Variants in CACNA2D3 observed in about 807,000 individuals in gnomAD.
CACNA2D3 encodes the protein calcium voltage-gated channel auxiliary subunit alpha2delta 3.
CACNA2D3 carries 60 observed loss-of-function variants against 160.6 expected under a neutral mutation model. That is an observed-to-expected ratio of 0.37 (90% CI 0.30 to 0.46). The LOEUF (loss-of-function observed/expected upper bound fraction) is 0.46. CACNA2D3 is among the 20% of genes least tolerant of loss of function. CACNA2D3 has a pLI of 1.00. For missense variants in CACNA2D3, 1,205 were observed against 1,365.0 expected (o/e 0.88, Z 1.85); for synonymous variants, 558 against 492.9 (o/e 1.13, Z -1.75).
At chr3:54,720,263 C>T (rs1439322484) in intron 11 of CACNA2D3, among the ~76,000 whole-genome samples, 5 of 151,664 alleles carry the variant, frequency 3.3e-5, no homozygotes, top group African/African-American at 1.2e-4. Context: ...TTACAGATAC[C>T]AACTTCCCTG....
chr3:54,444,249 A>C (rs2106801339), intron 4 of CACNA2D3, among the ~76,000 whole-genome samples: 1 of 152,288 alleles, frequency 6.6e-6, no homozygotes, highest in Admixed American at 6.5e-5. Flanking sequence ...AATTTGAGGA[A>C]AATGTCCCAG....
chr3:54,968,061 A>G lies in CACNA2D3; in HGVS notation c.2450-389A>G, dbSNP rs908445607. On this transcript the variant is annotated intron_variant, in intron 27 of 37. Coordinates refer to ENST00000474759, the MANE Select transcript of CACNA2D3 (RefSeq NM_018398.3). ...AACACATGCAGAGTACACATTTTAGACATGCAAGTTCAAACAGTAATAGCT... is the reference window on the plus strand; with the variant it reads ...AACACATGCAGAGTACACATTTTAGGCATGCAAGTTCAAACAGTAATAGCT... 2.6e-5 allele frequency among the ~76,000 whole-genome samples: 4 copies of G among 152,298 alleles called. No homozygotes were observed. The South Asian group carries it at 8.3e-4, about 32-fold the overall frequency.
intron 11 of CACNA2D3, among the ~76,000 whole-genome samples, chr3:54,664,271 C>T (rs1700024828): frequency 6.6e-6 from 1 of 152,190 alleles, no homozygotes; most frequent in Admixed American, 6.5e-5. Flanking sequence ...ATGGGTAAGG[C>T]CAGTAGTGGC....
At chr3:54,445,733 C>A (rs973801398) in intron 4 of CACNA2D3, among the ~76,000 whole-genome samples, 1 of 152,002 alleles carries the variant, frequency 6.6e-6, no homozygotes, top group African/African-American at 2.4e-5. Flanking sequence ...ATAGACATAC[C>A]TTATTTTGGT....
At chr3:54,699,363 T>C (rs566166556) in intron 11 of CACNA2D3, among the ~76,000 whole-genome samples, 7 of 152,220 alleles carry the variant, frequency 4.6e-5, no homozygotes, top group African/African-American at 1.7e-4. Context: ...CTGAGCTCCT[T>C]CTTTAATGGG....
intron 2 of CACNA2D3, among the ~76,000 whole-genome samples, chr3:54,182,661 T>G (rs1052708721): frequency 2.6e-5 from 4 of 152,222 alleles, no homozygotes; most frequent in African/African-American, 9.7e-5. Flanking sequence ...GTTAATTTGG[T>G]TGGGTTTTAC....
chr3:54,772,800 A>G (rs1702344212), intron 13 of CACNA2D3, among the ~76,000 whole-genome samples: 1 of 152,188 alleles, frequency 6.6e-6, no homozygotes, highest in African/African-American at 2.4e-5. Flanking sequence ...AATTTGTTCC[A>G]TTTTAAAAGC....
intron 3 of CACNA2D3, among the ~76,000 whole-genome samples, chr3:54,384,213 T>C (rs1414047183): frequency 1.3e-5 from 2 of 152,220 alleles, no homozygotes; most frequent in African/African-American, 4.8e-5. Context: ...CAACTTTTTT[T>C]CTCTAGATTC....
At chr3:54,284,357 T>A (rs1702957667) in intron 2 of CACNA2D3, among the ~76,000 whole-genome samples, 1 of 151,620 alleles carries the variant, frequency 6.6e-6, no homozygotes, top group African/African-American at 2.4e-5. Context: ...ATCTTATAGT[T>A]TTATAGGTTA....
chr3:54,186,563 C>A (rs1295123090), intron 2 of CACNA2D3, among the ~76,000 whole-genome samples: 2 of 151,786 alleles, frequency 1.3e-5, no homozygotes, highest in East Asian at 3.9e-4. Context: ...TGATATAGAC[C>A]TTTTTCTCTT....
chr3:54,699,843 C>A (rs1298042653), intron 11 of CACNA2D3, among the ~76,000 whole-genome samples: 2 of 152,106 alleles, frequency 1.3e-5, no homozygotes, highest in Non-Finnish European at 2.9e-5. Flanking sequence ...TTCCTCTATC[C>A]CTTTGGGCCT....
At chr3:54,880,971 T>C in intron 21 of CACNA2D3, 108 bp downstream of exon 21, 1 of 861,610 alleles carries the variant, frequency 1.2e-6, no homozygotes, top group Non-Finnish European at 2.0e-6. Context: ...CTGTGACCAG[T>C]CCCTTGGACA....
At chr3:54,485,250 T>C (rs1268421816) in intron 4 of CACNA2D3, among the ~76,000 whole-genome samples, 2 of 152,218 alleles carry the variant, frequency 1.3e-5, no homozygotes, top group Non-Finnish European at 2.9e-5. Flanking sequence ...TGAAGTATTA[T>C]GCTCTAGAAC....
At chr3:54,569,226 T>G (rs1471852084) in intron 6 of CACNA2D3, among the ~76,000 whole-genome samples, 1 of 152,190 alleles carries the variant, frequency 6.6e-6, no homozygotes, top group Non-Finnish European at 1.5e-5. Flanking sequence ...AAATTCAAAC[T>G]TTATTATGCA....
intron 4 of CACNA2D3, among the ~76,000 whole-genome samples, chr3:54,406,538 A>C (rs1481114961): frequency 2.0e-5 from 3 of 152,204 alleles, no homozygotes; most frequent in African/African-American, 4.8e-5. Context: ...ACATTATGCT[A>C]AGTGAAATAA....
intron 2 of CACNA2D3, among the ~76,000 whole-genome samples, chr3:54,175,538 G>A (rs761827303): frequency 1.3e-5 from 2 of 150,844 alleles, no homozygotes; most frequent in African/African-American, 2.4e-5. Flanking sequence ...GTGTGAACCC[G>A]GGAGGCAGAA....
chr3:54,801,416 A>C (rs924489339), intron 13 of CACNA2D3, among the ~76,000 whole-genome samples: 12 of 152,204 alleles, frequency 7.9e-5, no homozygotes, highest in African/African-American at 2.9e-4. Context: ...GAAATGTGCA[A>C]TACCCTTTAA....
chr3:54,690,189 A>G (rs564601644), intron 11 of CACNA2D3, among the ~76,000 whole-genome samples: 4 of 152,140 alleles, frequency 2.6e-5, no homozygotes, highest in African/African-American at 7.2e-5. Flanking sequence ...ATTAATTTCT[A>G]TTGATCTTGT....
At position 55,051,538 on chromosome 3, in the gene CACNA2D3, G is replaced by T. The variant is rs1230234176; in HGVS notation, c.2988-21907G>T. Among the ~76,000 whole-genome samples, 8 of 151,988 alleles carry T rather than the reference G, an allele frequency of 5.3e-5. No individual in the cohort carries two copies. In the East Asian group the frequency reaches 1.6e-3, roughly 29 times the overall value. On this transcript the variant is annotated intron_variant, in intron 35 of 37. Transcript: ENST00000474759. ...TCAGACAGGGACATTTAAGTCTGCAGAGGTTACTGCTGTCTTTTTGTTTGT... is the reference window on the plus strand; with the variant it reads ...TCAGACAGGGACATTTAAGTCTGCATAGGTTACTGCTGTCTTTTTGTTTGT...
Sources: gnomAD v4.1 joint callset for allele counts (sites outside exome capture counted in the v4.1 genomes callset) on GRCh38, gnomAD v4.1.1 for gene constraint, MANE v1.5 for transcripts, NCBI Gene and HGNC (gene_info 2026-07-23, HGNC 2026-07-21) for gene names.